Variants in DNAH14 observed in about 807,000 individuals in gnomAD.
DNAH14 encodes axonemal beta dynein heavy chain 14.
DNAH14 carries 478 observed loss-of-function variants against 520.9 expected under a neutral mutation model. The ratio of observed to expected loss-of-function variants is 0.92; its 90% confidence interval spans 0.85 to 0.99. The LOEUF is 0.99. Among genes scored for constraint, DNAH14 ranks in the 50% least tolerant of loss-of-function variants. The pLI is 0.00. For synonymous variants in DNAH14, 1,581 were observed against 1,757.2 expected, an observed-to-expected ratio of 0.90 and a Z score of 2.51; for missense variants, 4,831 against 5,234.5, an observed-to-expected ratio of 0.92 and a Z score of 2.38.
At chr1:225,175,507 T>G (rs1178608671) in intron 36 of DNAH14, among the ~76,000 whole-genome samples, 1 of 151,988 alleles carries the variant, frequency 6.6e-6, no homozygotes, top group Non-Finnish European at 1.5e-5. Context: ...TCTTCTCTGA[T>G]TTTATTTATG....
chr1:225,201,993 A>C (rs1345498969), intron 38 of DNAH14, among the ~76,000 whole-genome samples: 1 of 149,362 alleles, frequency 6.7e-6, no homozygotes, highest in Non-Finnish European at 1.5e-5. Context: ...CTCCTGCCTC[A>C]GCCTCCCCAG....
At chr1:224,986,766 G>A (rs567599493) in intron 8 of DNAH14, among the ~76,000 whole-genome samples, 1 of 152,260 alleles carries the variant, frequency 6.6e-6, no homozygotes, top group Non-Finnish European at 1.5e-5. Flanking sequence ...CTAAGATATG[G>A]AATACAACAA....
In DNAH14 at chr1:225,240,654, CTT is replaced by C. The variant is rs1436625954; in HGVS notation, c.6584_6585del (p.Phe2195CysfsTer15). On this transcript the variant is annotated frameshift_variant, in exon 43 of 86. Coordinates refer to ENST00000682510, the MANE Select transcript of DNAH14 (RefSeq NM_001367479.1). LOFTEE classifies it high-confidence loss of function. ...TAAATTAACAAAAATTATTCAAAAG[CTT>C]TTTGTGTTTGCCTTTACTTGGGCAT... Reference protein sequence around the residue: ...PDKLTKIIQKLFVFAFTWAFG... With the variant: ...PDKLTKIIQKXFVFAFTWAFG... The C allele has an allele frequency of 6.4e-7, 1 of 1,550,568 alleles. No homozygotes were observed. Among genetic ancestry groups the C allele is most frequent in the Admixed American group, 2.0e-5 (1 of 50,942 alleles).
chr1:225,353,968 A>G, intron 73 of DNAH14, 80 bp downstream of exon 73: 1 of 839,086 alleles, frequency 1.2e-6, no homozygotes, highest in Non-Finnish European at 1.9e-6. Context: ...TCAAAATTAA[A>G]ATTTTACAAG....
intron 8 of DNAH14, among the ~76,000 whole-genome samples, chr1:224,993,003 C>G (rs1298605107): frequency 1.3e-5 from 2 of 152,042 alleles, no homozygotes; most frequent in African/African-American, 4.8e-5. Flanking sequence ...TGATGTATCA[C>G]ATTTATTGAT....
rs552479805 is a variant in DNAH14 at position 225,152,050 on chromosome 1, G to A, written c.4986G>A (p.Ala1662=). The part of the protein sequence containing the change: ...GKEIRINMSC[A]VFITMNPRYG... ...AAATTCGTATCAATATGTCTTGTGC[G>A]GTATTTATCACCATGAATCCCAGGT... The change falls in exon 32 of 86, where the codon GCG becomes GCA. Residue 1662 remains alanine, a synonymous_variant. Coordinates refer to ENST00000682510, the MANE Select transcript of DNAH14 (RefSeq NM_001367479.1). The A allele has an allele frequency of 7.1e-5, 110 of 1,550,366 alleles. No individual in the cohort carries two copies. The highest frequency in any genetic ancestry group is 1.1e-4 in the South Asian group (9 of 83,798).
At chr1:225,284,634 A>G (rs1232039960) in intron 54 of DNAH14, among the ~76,000 whole-genome samples, 2 of 152,212 alleles carry the variant, frequency 1.3e-5, no homozygotes, top group Non-Finnish European at 2.9e-5. Flanking sequence ...CAATTCATCT[A>G]TAAGGTCAGT....
intron 31 of DNAH14, among the ~76,000 whole-genome samples, chr1:225,148,844 G>T (rs544716413): frequency 6.6e-6 from 1 of 151,564 alleles, no homozygotes; most frequent in South Asian, 2.1e-4. Context: ...CTGGATATTA[G>T]GCCTTTGTCA....
intron 10 of DNAH14, among the ~76,000 whole-genome samples, chr1:225,014,342 A>G (rs2065043494): frequency 6.6e-6 from 1 of 151,560 alleles, no homozygotes; most frequent in African/African-American, 2.4e-5. Context: ...AAATGCAGAA[A>G]TCACCCACTT....
chr1:225,373,055 C>CA (rs1417896236), intron 77 of DNAH14, among the ~76,000 whole-genome samples: 1 of 150,024 alleles, frequency 6.7e-6, no homozygotes, highest in South Asian at 2.1e-4. Context: ...AGAATAGTAA[C>CA]AAAAAAATTC....
intron 36 of DNAH14, among the ~76,000 whole-genome samples, chr1:225,168,969 T>C (rs2082322292): frequency 6.6e-6 from 1 of 152,148 alleles, no homozygotes; most frequent in African/African-American, 2.4e-5. Context: ...AGGAACGATC[T>C]GGCAGCAACA....
intron 30 of DNAH14, among the ~76,000 whole-genome samples, chr1:225,146,386 G>A (rs1416192229): frequency 6.6e-6 from 1 of 152,092 alleles, no homozygotes; most frequent in African/African-American, 2.4e-5. Flanking sequence ...ATAGAGTTCA[G>A]GCACCCCTCA....
intron 17 of DNAH14, among the ~76,000 whole-genome samples, chr1:225,073,955 A>G (rs970337951): frequency 4.9e-5 from 7 of 143,366 alleles, no homozygotes; most frequent in Non-Finnish European, 7.5e-5. Flanking sequence ...TACTGGGATT[A>G]CAGGCATGAG....
At chr1:225,222,713 C>T (rs661694) in intron 41 of DNAH14, among the ~76,000 whole-genome samples, 47,805 of 151,920 alleles carry the variant, frequency 0.31, 8,700 homozygotes, top group East Asian at 0.61. Flanking sequence ...GTTCTTCAAG[C>T]CCCCACCCGA....
intron 46 of DNAH14, among the ~76,000 whole-genome samples, chr1:225,263,209 C>T (rs1268315483): frequency 1.4e-5 from 2 of 145,562 alleles, no homozygotes; most frequent in Admixed American, 6.7e-5. Context: ...TATACACACA[C>T]ATATATATAC....
chr1:225,369,711 A>G (rs940878778), intron 77 of DNAH14, among the ~76,000 whole-genome samples: 1 of 152,142 alleles, frequency 6.6e-6, no homozygotes, highest in African/African-American at 2.4e-5. Flanking sequence ...TTTTTCAGGT[A>G]TCCAAGGAAC....
intron 17 of DNAH14, among the ~76,000 whole-genome samples, chr1:225,055,584 G>A (rs925539059): frequency 2.0e-5 from 3 of 151,466 alleles, no homozygotes; most frequent in Admixed American, 1.3e-4. Flanking sequence ...TGTGCACAAC[G>A]TGCAGGTTAG....
Position 225,144,676 on chromosome 1 carries a change from A to G in DNAH14, c.4740+48A>G, listed in dbSNP as rs781167037. 20 of 1,442,044 alleles carry G rather than the reference A, an allele frequency of 1.4e-5. No individual in the cohort carries two copies. In the South Asian group the frequency reaches 2.4e-4, roughly 17 times the overall value. 89.3% of individuals were successfully genotyped at this position (1,442,044 alleles called of 1,614,324 possible). ...ATAAAAACTTTTTTCTTTTTCTGTC[A>G]CACAAACTTTGATGTTATCTTAAAT... On this transcript the variant is annotated intron_variant, in intron 29 of 85. Coordinates refer to ENST00000682510, the MANE Select transcript of DNAH14 (RefSeq NM_001367479.1).
chr1:225,136,237 T>C (rs1385469368), intron 27 of DNAH14, among the ~76,000 whole-genome samples: 1 of 152,212 alleles, frequency 6.6e-6, no homozygotes, highest in South Asian at 2.1e-4. Flanking sequence ...TTTGTGTGGT[T>C]GCTTCATAGT....
Sources: allele counts gnomAD v4.1 joint callset (sites outside exome capture counted in the v4.1 genomes callset), GRCh38; gene constraint gnomAD v4.1.1; transcripts MANE v1.5; gene names NCBI Gene and HGNC (gene_info 2026-07-23, HGNC 2026-07-21).